AMMECR1: variants seen among roughly 807,000 people sequenced by gnomAD.
The protein encoded by AMMECR1 is AMMECR nuclear protein 1, also known as nuclear protein AMMECR1.
In AMMECR1, 3 loss-of-function variants were observed where a neutral mutation model predicts 22.5. The observed-to-expected ratio is 0.13, with a 90% confidence interval of 0.06 to 0.35. The LOEUF (loss-of-function observed/expected upper bound fraction) is 0.35, where lower values mean the gene tolerates loss of function less well. AMMECR1 is among the 10% of genes least tolerant of loss of function. The pLI, the probability that AMMECR1 is intolerant of heterozygous loss-of-function variation, is 1.00. For missense variants in AMMECR1, 235 were observed against 278.7 expected, an observed-to-expected ratio of 0.84 and a Z score of 1.12; for synonymous variants, 130 against 116.7, an observed-to-expected ratio of 1.11 and a Z score of -0.74.
chrX:110,295,583 A>T (rs756897264), intron 1 of AMMECR1, among the ~76,000 whole-genome samples: 1 of 112,264 alleles, frequency 8.9e-6, no homozygotes, highest in Non-Finnish European at 1.9e-5. Flanking sequence ...TGTTTACAAC[A>T]TATGAAATTG....
chrX:110,303,043 C>T (rs1205762786), intron 1 of AMMECR1, among the ~76,000 whole-genome samples: 1 of 111,364 alleles, frequency 9.0e-6, no homozygotes, highest in Non-Finnish European at 1.9e-5. Context: ...TGGACTGGTA[C>T]AAACTATTTA....
At chrX:110,326,351 C>T (rs778644342) in intron 2 of AMMECR1, among the ~76,000 whole-genome samples, 2 of 111,955 alleles carry the variant, frequency 1.8e-5, no homozygotes, top group South Asian at 7.4e-4. Context: ...TTCTAATTTC[C>T]CTTGTGACTT....
At chrX:110,268,287 G>T (rs1472069090) in intron 1 of AMMECR1, among the ~76,000 whole-genome samples, 1 of 111,844 alleles carries the variant, frequency 8.9e-6, no homozygotes, top group Non-Finnish European at 1.9e-5. Flanking sequence ...TCAAAGATGG[G>T]AGGGAGTGCT....
chrX:110,400,004 C>A (rs1188300211), intron 2 of AMMECR1, among the ~76,000 whole-genome samples: 1 of 110,643 alleles, frequency 9.0e-6, no homozygotes, highest in Admixed American at 9.7e-5. Context: ...CAACCGACTT[C>A]ATTATAGCAA....
At chrX:110,313,243 G>C (rs779407873) in intron 1 of AMMECR1, among the ~76,000 whole-genome samples, 9 of 111,866 alleles carry the variant, frequency 8.0e-5, no homozygotes, top group Non-Finnish European at 1.1e-4. Flanking sequence ...GCATATGCGG[G>C]AGTGGATTTT....
chrX:110,298,298 T>C (rs2067947876), intron 1 of AMMECR1, among the ~76,000 whole-genome samples: 1 of 111,911 alleles, frequency 8.9e-6, no homozygotes, highest in Non-Finnish European at 1.9e-5. Context: ...TTAGAACACT[T>C]ACTATTTTAT....
At chrX:110,223,399 A>G (rs1187827026) in intron 2 of AMMECR1, among the ~76,000 whole-genome samples, 1 of 112,301 alleles carries the variant, frequency 8.9e-6, no homozygotes, top group Non-Finnish European at 1.9e-5. Context: ...AAAACTCAAT[A>G]TAACTGGGTC....
chrX:110,210,269 T>C (rs1395416805), intron 3 of AMMECR1, among the ~76,000 whole-genome samples: 1 of 109,245 alleles, frequency 9.2e-6, no homozygotes, highest in Non-Finnish European at 1.9e-5. Context: ...AAAAAAAACA[T>C]TTAAAGTAGA....
chrX:110,244,585 T>G (rs781452049), intron 2 of AMMECR1, among the ~76,000 whole-genome samples: 61 of 112,111 alleles, frequency 5.4e-4, no homozygotes, highest in Non-Finnish European at 7.3e-4. Context: ...TTTCTACATC[T>G]AATGCAGTTA....
intron 2 of AMMECR1, among the ~76,000 whole-genome samples, chrX:110,383,218 G>A (rs1218088138): frequency 9.0e-6 from 1 of 111,222 alleles, no homozygotes; most frequent in Non-Finnish European, 1.9e-5. Flanking sequence ...TTGAATATAT[G>A]AGGGTCTTCT....
At chrX:110,413,074 T>C (rs933158479) in intron 2 of AMMECR1, among the ~76,000 whole-genome samples, 2 of 111,475 alleles carry the variant, frequency 1.8e-5, no homozygotes, top group Non-Finnish European at 3.8e-5. Flanking sequence ...TCCCTGCTCG[T>C]CATCTGTCCT....
At chrX:110,439,450 C>T (rs1168821625) in intron 1 of AMMECR1, among the ~76,000 whole-genome samples, 5 of 112,098 alleles carry the variant, frequency 4.5e-5, no homozygotes, top group African/African-American at 9.7e-5. Flanking sequence ...TATACCCTAC[C>T]GCTTAAAACA....
chrX:110,233,367 G>A (rs1334282382), intron 2 of AMMECR1, among the ~76,000 whole-genome samples: 1 of 111,592 alleles, frequency 9.0e-6, no homozygotes, highest in Non-Finnish European at 1.9e-5. Flanking sequence ...AAAAGTCCAG[G>A]ACCAGATGAA....
In AMMECR1 at chrX:110,318,046, T is replaced by C; in HGVS notation, c.26A>G (p.Lys9Arg). Residue 9 changes from lysine to arginine, a missense_variant, in exon 1 of 6, where the codon AAG becomes AGG. By Grantham distance (26) the Lys-to-Arg change is conservative. Around this residue, in one of 2 missense-constraint regions of AMMECR1, gnomAD observed 124 missense variants for 97.0 expected, o/e 1.28. Coordinates refer to ENST00000262844, the MANE Select transcript of AMMECR1 (RefSeq NM_015365.3). MAAGCCGV[K>R]KQKLSSSPPS... The stretch of plus-strand genomic sequence containing the variant: ...GGGCGAACTGGACAGTTTCTGCTTC[T>C]TCACCCCGCAGCAACCCGCCGCCAT... 1 of 1,203,059 alleles carries C rather than the reference T, an allele frequency of 8.3e-7. No homozygotes were observed.
chrX:110,255,700 A>T (rs1184829514), intron 2 of AMMECR1, among the ~76,000 whole-genome samples: 1 of 111,362 alleles, frequency 9.0e-6, no homozygotes, highest in Non-Finnish European at 1.9e-5. Context: ...TTTCTCTTTC[A>T]CTACTAGGAA....
Position 110,194,605 on chromosome X carries a change from C to G in AMMECR1, c.*3915G>C. 1 of 112,083 alleles carries G rather than the reference C, an allele frequency of 8.9e-6. No individual in the cohort carries two copies. Among genetic ancestry groups the G allele is most frequent in the Non-Finnish European group, 1.9e-5 (1 of 53,179 alleles). 9.2% of individuals were successfully genotyped at this position (112,083 alleles called of 1,213,427 possible). On this transcript the variant is annotated 3_prime_UTR_variant, in exon 6 of 6. Coordinates refer to ENST00000262844, the MANE Select transcript of AMMECR1 (RefSeq NM_015365.3). ...GTAATTTTGGGGAACATATAAAACA[C>G]TAAAATAACTTAGAAACTAGATCCA...
At chrX:110,344,522 C>T (rs914667575) in intron 2 of AMMECR1, among the ~76,000 whole-genome samples, 2 of 111,289 alleles carry the variant, frequency 1.8e-5, no homozygotes, top group African/African-American at 6.6e-5. Context: ...AGAGCTTCTG[C>T]ACAGCAAAAG....
Position 110,313,292 on chromosome X carries a change from C to T in AMMECR1, c.473+4307G>A, listed in dbSNP as rs1219747176. 2.7e-5 allele frequency among the ~76,000 whole-genome samples: 3 copies of T among 112,375 alleles called. 1 individual carries two copies. Among genetic ancestry groups the T allele is most frequent in the East Asian group, 2.8e-4 (1 of 3,590 alleles). ...TTATTAATTGCAATTTAAAACCACACTTACTGATGTACTTTAATAATAAAG... is the reference window on the plus strand; with the variant it reads ...TTATTAATTGCAATTTAAAACCACATTTACTGATGTACTTTAATAATAAAG... On this transcript the variant is annotated intron_variant, in intron 1 of 5. Coordinates refer to ENST00000262844, the MANE Select transcript of AMMECR1 (RefSeq NM_015365.3).
intron 1 of AMMECR1, among the ~76,000 whole-genome samples, chrX:110,286,345 T>C (rs1189356554): frequency 9.0e-6 from 1 of 110,785 alleles, no homozygotes; most frequent in Non-Finnish European, 1.9e-5. Flanking sequence ...ACCTGAATGA[T>C]GAATGCTCAA....
Sources: allele counts gnomAD v4.1 joint callset (sites outside exome capture counted in the v4.1 genomes callset), GRCh38; gene constraint gnomAD v4.1.1; regional missense constraint gnomAD v4.1.1; transcripts MANE v1.5; gene names NCBI Gene and HGNC (gene_info 2026-07-23, HGNC 2026-07-21).